Variants in MAGEC3 observed in about 807,000 individuals in gnomAD.
MAGEC3 encodes MAGE family member C3.
In MAGEC3, 34 loss-of-function variants were observed where a neutral mutation model predicts 35.3. The observed-to-expected ratio is 0.96, with a 90% CI of 0.73 to 1.28. The LOEUF is 1.28. Ranked by LOEUF, MAGEC3 falls within the 50% of genes most tolerant of loss-of-function variation. MAGEC3 has a pLI of 0.00. For synonymous variants in MAGEC3, 202 were observed against 185.6 expected (o/e 1.09, Z -0.72); for missense variants, 561 against 483.6 (o/e 1.16, Z -1.50).
At chrX:141,866,777 G>C (rs1354609298) in intron 2 of MAGEC3, among the ~76,000 whole-genome samples, 1 of 112,487 alleles carries the variant, frequency 8.9e-6, no homozygotes, top group African/African-American at 3.2e-5. Context: ...CAATGAAAAT[G>C]AAGCTCAAAT....
At chrX:141,875,026 C>T (rs1423547578) in intron 2 of MAGEC3, among the ~76,000 whole-genome samples, 1 of 111,323 alleles carries the variant, frequency 9.0e-6, no homozygotes, top group African/African-American at 3.3e-5. Flanking sequence ...CTGATCTATA[C>T]AAAGTTTTAA....
chrX:141,849,181 G>A (rs749463188), intron 1 of MAGEC3, among the ~76,000 whole-genome samples: 1 of 110,947 alleles, frequency 9.0e-6, no homozygotes, highest in Non-Finnish European at 1.9e-5. Context: ...AGTGGGGAAA[G>A]GACCCCTTGT....
At position 141,897,373 on chromosome X, in the gene MAGEC3, G is replaced by C. The variant is rs929205273; in HGVS notation, c.1615G>C (p.Asp539His). The change falls in exon 7 of 8, where the codon GAT becomes CAT. Residue 539 changes from aspartate to histidine, a missense_variant. Transcript: ENST00000298296. Reference sequence around the variant, plus strand: ...CCTCACCTATGAGGGAAGCCTGATTGATGACCAGGGCATGCCCAAGAACTG... The same window carrying C: ...CCTCACCTATGAGGGAAGCCTGATTCATGACCAGGGCATGCCCAAGAACTG... The part of the protein sequence containing the change: ...LDLTYEGSLI[D>H]DQGMPKNCLL... 8.3e-7 allele frequency: 1 copy of C among 1,210,191 alleles called. No individual in the cohort carries two copies.
At chrX:141,876,116 C>G (rs2017918545) in intron 2 of MAGEC3, among the ~76,000 whole-genome samples, 1 of 112,208 alleles carries the variant, frequency 8.9e-6, no homozygotes, top group African/African-American at 3.2e-5. Flanking sequence ...AATCTCCTAT[C>G]TATGTGGAGA....
chrX:141,887,126 T>C (rs1258810796), intron 4 of MAGEC3, among the ~76,000 whole-genome samples: 1 of 112,619 alleles, frequency 8.9e-6, no homozygotes, highest in Non-Finnish European at 1.9e-5. Flanking sequence ...GATGCAGCCA[T>C]TGATTTGGCA....
At chrX:141,860,763 G>C (rs963830379) in intron 1 of MAGEC3, among the ~76,000 whole-genome samples, 1 of 112,103 alleles carries the variant, frequency 8.9e-6, no homozygotes, top group African/African-American at 3.2e-5. Context: ...AAGGCAGACA[G>C]AAAGTAGAAT....
intron 1 of MAGEC3, chrX:141,839,566 C>G (rs1908694119): frequency 8.0e-6 from 6 of 754,167 alleles, no homozygotes; most frequent in Non-Finnish European, 9.4e-6. Flanking sequence ...GCAGCTCCTA[C>G]CACTTCCAGG....
intron 6 of MAGEC3, 113 bp from the exon 7 acceptor site, chrX:141,896,769 C>T: frequency 8.3e-7 from 1 of 1,208,355 alleles, no homozygotes; most frequent in Non-Finnish European, 1.1e-6. Flanking sequence ...AGGAGGATGC[C>T]TCCTCCACTT....
chrX:141,895,240 G>A (rs1047430820), intron 4 of MAGEC3, 29 bp from the exon 5 acceptor site: 63 of 1,192,509 alleles, frequency 5.3e-5, no homozygotes, highest in Non-Finnish European at 6.3e-5. Flanking sequence ...TGGAGAGGAG[G>A]CCCCACCCCA....
At chrX:141,876,585 G>C (rs2017921496) in intron 2 of MAGEC3, among the ~76,000 whole-genome samples, 1 of 111,931 alleles carries the variant, frequency 8.9e-6, no homozygotes, top group Non-Finnish European at 1.9e-5. Flanking sequence ...TACTCATACT[G>C]CGAACTTGCT....
chrX:141,893,123 C>T (rs2018055142), intron 4 of MAGEC3, among the ~76,000 whole-genome samples: 1 of 110,389 alleles, frequency 9.1e-6, no homozygotes, highest in African/African-American at 3.3e-5. Flanking sequence ...TAGAGAAGTG[C>T]AAATTAAAGC....
intron 2 of MAGEC3, among the ~76,000 whole-genome samples, chrX:141,867,994 G>A (rs1482956560): frequency 2.7e-5 from 3 of 110,378 alleles, no homozygotes; most frequent in African/African-American, 9.9e-5. Context: ...GTGGTGGTGG[G>A]CGCCTGTAGT....
chrX:141,886,088 C>T (rs2018000855), intron 4 of MAGEC3, among the ~76,000 whole-genome samples: 2 of 110,971 alleles, frequency 1.8e-5, no homozygotes, highest in Admixed American at 1.9e-4. Flanking sequence ...AAAGGCAAGG[C>T]GGGTATAGCT....
rs2018101571 is a variant in MAGEC3, at chrX:141,896,871, G to A, written c.1124-11G>A. 1 of 1,190,011 alleles carries A rather than the reference G, an allele frequency of 8.4e-7. No individual in the cohort carries two copies. The highest frequency in any genetic ancestry group is 2.4e-5 in the Admixed American group (1 of 42,141). On this transcript the variant is annotated splice_polypyrimidine_tract_variant and intron_variant, in intron 6 of 7. Coordinates refer to ENST00000298296, the MANE Select transcript of MAGEC3 (RefSeq NM_138702.1). The stretch of plus-strand genomic sequence containing the variant: ...CACCCTTACCCTCTACTCTCATTCT[G>A]GGTGTTCCAGAAGATGAGGATATGC...
At chrX:141,880,632 G>A (rs1046642019) in intron 3 of MAGEC3, 1 of 385,787 alleles carries the variant, frequency 2.6e-6, no homozygotes, top group African/African-American at 2.7e-5. Context: ...TGTGTACCAA[G>A]GGCCCTACCC....
chrX:141,891,864 A>C (rs990026534), intron 4 of MAGEC3, among the ~76,000 whole-genome samples: 1 of 109,812 alleles, frequency 9.1e-6, no homozygotes, highest in Non-Finnish European at 1.9e-5. Flanking sequence ...GAAATTAAAA[A>C]CGTGACATTA....
At chrX:141,876,902 T>C (rs927976618) in intron 2 of MAGEC3, among the ~76,000 whole-genome samples, 8 of 112,441 alleles carry the variant, frequency 7.1e-5, no homozygotes, top group African/African-American at 2.6e-4. Flanking sequence ...CTTTGGTCTA[T>C]CTGTCAATCT....
chrX:141,859,007 A>G (rs116036432), intron 1 of MAGEC3, among the ~76,000 whole-genome samples: 7,360 of 109,827 alleles, frequency 0.067, 196 homozygotes, highest in South Asian at 0.17. Context: ...GCTATATAAT[A>G]TTCCATAGTA....
chrX:141,851,993 G>C (rs1273213394), intron 1 of MAGEC3, among the ~76,000 whole-genome samples: 1 of 109,846 alleles, frequency 9.1e-6, no homozygotes, highest in African/African-American at 3.3e-5. Flanking sequence ...TTTGAATTTT[G>C]GTAGGGCTTG....
Sources: gnomAD v4.1 joint callset for allele counts (sites outside exome capture counted in the v4.1 genomes callset) on GRCh38, gnomAD v4.1.1 for gene constraint, MANE v1.5 for transcripts, NCBI Gene and HGNC (gene_info 2026-07-23, HGNC 2026-07-21) for gene names.